RPS6KA2: variants seen among roughly 807,000 people sequenced by gnomAD.
RPS6KA2 encodes ribosomal protein S6 kinase A2, also known as ribosomal protein S6 kinase alpha-2.
In RPS6KA2, 42 loss-of-function variants were observed where a neutral mutation model predicts 91.8. That is an observed-to-expected ratio of 0.46 (90% CI 0.36 to 0.59). RPS6KA2 has a LOEUF of 0.59. Ranked by LOEUF, RPS6KA2 falls within the 20% of genes least tolerant of loss-of-function variation. The probability of loss-of-function intolerance (pLI) is 0.00; values close to 1 mark genes in which losing one functional copy is unlikely to be tolerated. For missense variants in RPS6KA2, 798 were observed against 978.5 expected (o/e 0.82, Z 2.46); for synonymous variants, 414 against 393.6 (o/e 1.05, Z -0.61).
At chr6:166,683,865 C>T (rs769968733) in intron 2 of RPS6KA2, among the ~76,000 whole-genome samples, 4 of 152,170 alleles carry the variant, frequency 2.6e-5, no homozygotes, top group Admixed American at 6.5e-5. Flanking sequence ...TTGGGGTGTT[C>T]GGCAGCTGTG....
chr6:166,687,673 T>C (rs895373261), intron 2 of RPS6KA2, among the ~76,000 whole-genome samples: 1 of 152,264 alleles, frequency 6.6e-6, no homozygotes, highest in East Asian at 1.9e-4. Flanking sequence ...ATGTGGCTTA[T>C]TGAACTTTGA....
intron 1 of RPS6KA2, among the ~76,000 whole-genome samples, chr6:166,591,277 C>A (rs1372015018): frequency 6.6e-6 from 1 of 152,188 alleles, no homozygotes; most frequent in South Asian, 2.1e-4. Flanking sequence ...CAGTGCCACA[C>A]TGGAGTGCCT....
At chr6:166,452,446 T>C (rs1427931635) in intron 12 of RPS6KA2, among the ~76,000 whole-genome samples, 1 of 152,104 alleles carries the variant, frequency 6.6e-6, no homozygotes, top group Non-Finnish European at 1.5e-5. Context: ...ACCAACGTCA[T>C]TTTTCACAGA....
intron 1 of RPS6KA2, among the ~76,000 whole-genome samples, chr6:166,581,957 A>G (rs9366029): frequency 0.46 from 7,851 of 17,226 alleles, 1,927 homozygotes; most frequent in African/African-American, 0.72. Context: ...AGGGTGAGAT[A>G]GGGTGGGACG....
chr6:166,580,669 A>G (rs6910053), intron 1 of RPS6KA2, among the ~76,000 whole-genome samples: 2 of 149,712 alleles, frequency 1.3e-5, no homozygotes, highest in Admixed American at 6.6e-5. Flanking sequence ...CCCCACCCCC[A>G]ACCCCTGACC....
At chr6:166,413,116 C>T (rs1778370864) in intron 20 of RPS6KA2, among the ~76,000 whole-genome samples, 2 of 152,104 alleles carry the variant, frequency 1.3e-5, no homozygotes, top group Admixed American at 1.3e-4. Flanking sequence ...CCACCCCATG[C>T]CACCCTGGCA....
chr6:166,465,816 G>T (rs1238261652), intron 11 of RPS6KA2, among the ~76,000 whole-genome samples: 1 of 152,246 alleles, frequency 6.6e-6, no homozygotes, highest in East Asian at 1.9e-4. Flanking sequence ...CTGCGTTCCA[G>T]CTGTGACGTC....
chr6:166,449,726 G>A (rs1216336013), intron 13 of RPS6KA2, among the ~76,000 whole-genome samples: 2 of 151,896 alleles, frequency 1.3e-5, no homozygotes, highest in African/African-American at 4.8e-5. Flanking sequence ...TGCCAAGTAG[G>A]GTAGGAGCAA....
intron 1 of RPS6KA2, among the ~76,000 whole-genome samples, chr6:166,562,975 A>G (rs1218066310): frequency 6.6e-6 from 1 of 152,206 alleles, no homozygotes; most frequent in African/African-American, 2.4e-5. Context: ...GGACAGACTG[A>G]GAAGGCGGCC....
intron 2 of RPS6KA2, among the ~76,000 whole-genome samples, chr6:166,744,629 C>A (rs1487124742): frequency 6.6e-6 from 1 of 152,178 alleles, no homozygotes; most frequent in Non-Finnish European, 1.5e-5. Flanking sequence ...GCCCAGACAC[C>A]CCCGAGGGTC....
At chr6:166,784,800 G>C (rs1337188144) in intron 2 of RPS6KA2, among the ~76,000 whole-genome samples, 1 of 151,572 alleles carries the variant, frequency 6.6e-6, no homozygotes, top group Non-Finnish European at 1.5e-5. Flanking sequence ...TCCCGCAGTG[G>C]TCTCCATGTC....
At chr6:166,791,436 G>A (rs1016490394) in intron 2 of RPS6KA2, among the ~76,000 whole-genome samples, 2 of 152,154 alleles carry the variant, frequency 1.3e-5, no homozygotes, top group Non-Finnish European at 2.9e-5. Flanking sequence ...ACACCCCACT[G>A]TTAACATTAG....
At chr6:166,477,104 G>C (rs957710504) in intron 10 of RPS6KA2, among the ~76,000 whole-genome samples, 1 of 152,136 alleles carries the variant, frequency 6.6e-6, no homozygotes, top group Admixed American at 6.5e-5. Flanking sequence ...AGACTACCTG[G>C]CTCCAGCTCC....
At chr6:166,578,998 G>C (rs988345303) in intron 1 of RPS6KA2, among the ~76,000 whole-genome samples, 1 of 152,182 alleles carries the variant, frequency 6.6e-6, no homozygotes, top group South Asian at 2.1e-4. Flanking sequence ...CACATTTAGT[G>C]AGAAGGCCCA....
At chr6:166,449,845 C>T (rs550946596) in intron 13 of RPS6KA2, among the ~76,000 whole-genome samples, 969 of 96,692 alleles carry the variant, frequency 0.01, 18 homozygotes, top group African/African-American at 0.032. Flanking sequence ...CACGGGACAA[C>T]CACGAGGACC....
intron 2 of RPS6KA2, among the ~76,000 whole-genome samples, chr6:166,723,848 C>T (rs141927240): frequency 0.029 from 4,357 of 151,840 alleles, 116 homozygotes; most frequent in Non-Finnish European, 0.045. Context: ...TACAGGCACG[C>T]GCCACCACGC....
At chr6:166,558,148 G>A (rs896151225) in intron 1 of RPS6KA2, among the ~76,000 whole-genome samples, 32 of 147,320 alleles carry the variant, frequency 2.2e-4, no homozygotes, top group African/African-American at 6.3e-4. Context: ...TATGTATGTG[G>A]GGAGAGAGAG....
At chr6:166,677,734 T>C (rs1788660607) in intron 2 of RPS6KA2, among the ~76,000 whole-genome samples, 1 of 152,188 alleles carries the variant, frequency 6.6e-6, no homozygotes, top group Admixed American at 6.5e-5. Context: ...AATTATATGA[T>C]GCCTAGGACT....
intron 2 of RPS6KA2, among the ~76,000 whole-genome samples, chr6:166,760,653 G>C (rs1052058458): frequency 3.9e-5 from 6 of 152,206 alleles, no homozygotes; most frequent in African/African-American, 1.4e-4. Context: ...TATTTTGCTG[G>C]AATCGCTTGA....
Sources: gnomAD v4.1 joint callset for allele counts (sites outside exome capture counted in the v4.1 genomes callset) on GRCh38, gnomAD v4.1.1 for gene constraint, MANE v1.5 for transcripts, NCBI Gene and HGNC (gene_info 2026-07-23, HGNC 2026-07-21) for gene names.